Variants in ZNF608 observed in about 807,000 individuals in gnomAD.
ZNF608 encodes the protein renal carcinoma antigen NY-REN-36.
ZNF608 carries 12 observed loss-of-function variants against 109.0 expected under a neutral mutation model. That is an observed-to-expected ratio of 0.11 (90% CI 0.07 to 0.18). The LOEUF (loss-of-function observed/expected upper bound fraction) is 0.18. Among genes scored for constraint, ZNF608 ranks in the 10% least tolerant of loss-of-function variants. ZNF608 has a pLI of 1.00. For missense variants in ZNF608, 1,707 were observed against 1,879.3 expected, an observed-to-expected ratio of 0.91 and a Z score of 1.70; for synonymous variants, 732 against 717.4, an observed-to-expected ratio of 1.02 and a Z score of -0.33.
rs149105273 is a variant in ZNF608, at chr5:124,677,115, C to T, written c.1162+23899G>A. Among the ~76,000 whole-genome samples, 1,378 of 152,174 alleles carry T rather than the reference C, an allele frequency of 9.1e-3. 17 individuals are homozygous for T. Among genetic ancestry groups the T allele is most frequent in the African/African-American group, 0.032 (1,310 of 41,528 alleles). On this transcript the variant is annotated intron_variant, in intron 3 of 9. Transcript: ENST00000513986. ...CATATATATTTAATGTTTAATAAGA[C>T]AAGATTTTAACTGATTTAGGAAGAA... is the stretch of plus-strand genomic sequence containing the variant.
chr5:124,731,996 C>T (rs1034472924), intron 2 of ZNF608, among the ~76,000 whole-genome samples: 9 of 152,098 alleles, frequency 5.9e-5, no homozygotes, highest in Non-Finnish European at 1.3e-4. Flanking sequence ...TAATTTTTTA[C>T]ACTCTCTTTG....
intron 3 of ZNF608, among the ~76,000 whole-genome samples, chr5:124,664,114 A>G (rs1171081384): frequency 6.6e-6 from 1 of 152,248 alleles, no homozygotes; most frequent in Non-Finnish European, 1.5e-5. Flanking sequence ...AAACAAAATA[A>G]TAGCCTGTTC....
intron 3 of ZNF608, among the ~76,000 whole-genome samples, chr5:124,693,749 T>C (rs568694182): frequency 1.5e-4 from 23 of 152,216 alleles, no homozygotes; most frequent in African/African-American, 5.5e-4. Flanking sequence ...CAATCACTCA[T>C]CATATCCAAA....
At chr5:124,693,151 T>G (rs1752686568) in intron 3 of ZNF608, among the ~76,000 whole-genome samples, 1 of 152,250 alleles carries the variant, frequency 6.6e-6, no homozygotes, top group Non-Finnish European at 1.5e-5. Context: ...AGATTTTAAG[T>G]TATGTGAATT....
intron 3 of ZNF608, among the ~76,000 whole-genome samples, chr5:124,665,172 C>T (rs13179054): frequency 0.14 from 19,746 of 143,034 alleles, 1,370 homozygotes; most frequent in East Asian, 0.22. Flanking sequence ...GGAGACTCCA[C>T]CTCCCCCCAA....
At chr5:124,641,908 C>T (rs73296609) in intron 7 of ZNF608, among the ~76,000 whole-genome samples, 2,508 of 152,256 alleles carry the variant, frequency 0.016, 66 homozygotes, top group African/African-American at 0.056. Context: ...CTGTCCTACA[C>T]CCACATTTTG....
At chr5:124,721,973 G>A (rs1297878261) in intron 2 of ZNF608, among the ~76,000 whole-genome samples, 7,140 of 39,904 alleles carry the variant, frequency 0.18, no homozygotes, top group Non-Finnish European at 0.22. Context: ...AAAAAAAAAA[G>A]AACTCAAAGC....
intron 3 of ZNF608, among the ~76,000 whole-genome samples, chr5:124,683,869 A>C (rs559625471): frequency 1.8e-4 from 28 of 152,330 alleles, no homozygotes; most frequent in African/African-American, 6.7e-4. Flanking sequence ...ACGTTAGACC[A>C]GGGGTTCCAA....
At chr5:124,711,354 A>C (rs1469374003) in intron 2 of ZNF608, among the ~76,000 whole-genome samples, 1 of 152,260 alleles carries the variant, frequency 6.6e-6, no homozygotes, top group Non-Finnish European at 1.5e-5. Flanking sequence ...ATGCTGCTTA[A>C]ATTTTGACAT....
At position 124,744,484 on chromosome 5, in the gene ZNF608, C is replaced by G; in HGVS notation, c.506G>C (p.Ser169Thr). The G allele has an allele frequency of 2.5e-6, 4 of 1,614,216 alleles. No individual in the cohort carries two copies. Among genetic ancestry groups the G allele is most frequent in the Non-Finnish European group, 3.4e-6 (4 of 1,180,038 alleles). Reference protein sequence around the residue: ...SGGSGNPNSNSTSTSTSAATA... With the variant: ...SGGSGNPNSNTTSTSTSAATA... ...GGCGGCAGAGGTGCTGGTGCTGGTA[C>G]TATTGCTGTTTGGGTTGCCGCTGCC... Residue 169 changes from serine (S) to threonine (T), a missense_variant, in exon 2 of 10, where the codon AGT becomes ACT. Physicochemically the swap from Ser to Thr is moderately conservative, Grantham distance 58 (BLOSUM62 1). Coordinates refer to ENST00000513986, the MANE Select transcript of ZNF608 (RefSeq NM_020747.3). The surrounding 1 kb of genome is among the most constrained non-coding windows in gnomAD (Gnocchi z 4.5).
chr5:124,719,784 G>A lies in ZNF608; in HGVS notation c.907-18515C>T, dbSNP rs182794122. Among the ~76,000 whole-genome samples the A allele has an allele frequency of 1.9e-3, 292 of 152,272 alleles. 2 individuals carry two copies. Among genetic ancestry groups the A allele is most frequent in the African/African-American group, 6.6e-3 (274 of 41,550 alleles). ...TACTTTCTCTCTTCCTTTTCCTGGA[G>A]AGAGAGTCCATACATGCCCAGTAAA... is the stretch of plus-strand genomic sequence containing the variant. On this transcript the variant is annotated intron_variant, in intron 2 of 9. Coordinates refer to ENST00000513986, the MANE Select transcript of ZNF608 (RefSeq NM_020747.3).
In ZNF608 at chr5:124,665,762, C is replaced by T. The variant is rs1192714229; in HGVS notation, c.1163-16065G>A. On this transcript the variant is annotated intron_variant, in intron 3 of 9. Coordinates refer to ENST00000513986, the MANE Select transcript of ZNF608 (RefSeq NM_020747.3). ...TCACCTGATGTAGAAGCTCTAAACACAGCCCATAACATGCCCAGCCATGGC... is the reference window on the plus strand; with the variant it reads ...TCACCTGATGTAGAAGCTCTAAACATAGCCCATAACATGCCCAGCCATGGC... Among the ~76,000 whole-genome samples, 4 of 152,206 alleles carry T rather than the reference C, an allele frequency of 2.6e-5. No individual in the cohort carries two copies. In the East Asian group the frequency reaches 5.8e-4, roughly 22 times the overall value.
At chr5:124,717,022 C>T (rs1172551715) in intron 2 of ZNF608, among the ~76,000 whole-genome samples, 1 of 152,084 alleles carries the variant, frequency 6.6e-6, no homozygotes, top group Non-Finnish European at 1.5e-5. Flanking sequence ...ACGGAGGTTG[C>T]AGTGAGCCAA....
At chr5:124,710,682 C>G (rs1264272587) in intron 2 of ZNF608, 1 of 152,966 alleles carries the variant, frequency 6.5e-6, no homozygotes, top group East Asian at 1.9e-4. Flanking sequence ...CCATACCTCC[C>G]AAATGTTGAT....
In ZNF608 at chr5:124,647,728, C is replaced by A. The variant is rs764304033; in HGVS notation, c.2656G>T (p.Val886Phe). Residue 886 changes from valine (V) to phenylalanine (F), a missense_variant, in exon 5 of 10, where the codon GTT becomes TTT. Physicochemically the swap from Val to Phe is conservative, Grantham distance 50 (BLOSUM62 -1). This residue lies in a region of ZNF608 where 1,073 missense variants were observed against 1,133.5 expected (regional missense o/e 0.95). Transcript: ENST00000513986. The part of the protein sequence containing the change: ...MASIKAEADK[V>F]YTFTDNAPSP... Reference sequence around the variant, plus strand: ...GGAGCGTTGTCTGTGAAAGTGTAAACCTTATCGGCCTCAGCTTTGATACTG... The same window carrying A: ...GGAGCGTTGTCTGTGAAAGTGTAAAACTTATCGGCCTCAGCTTTGATACTG... The A allele has an allele frequency of 5.0e-6, 8 of 1,614,078 alleles. No homozygotes were observed. The Admixed American group carries it at 1.3e-4, about 27-fold the overall frequency.
chr5:124,742,744 T>C (rs1749466490), intron 2 of ZNF608, among the ~76,000 whole-genome samples: 1 of 152,186 alleles, frequency 6.6e-6, no homozygotes, highest in South Asian at 2.1e-4. Flanking sequence ...TTTACTCCTA[T>C]ACTCCAACTT....
At chr5:124,661,786 C>G (rs1201478585) in intron 3 of ZNF608, among the ~76,000 whole-genome samples, 1 of 152,222 alleles carries the variant, frequency 6.6e-6, no homozygotes, top group Non-Finnish European at 1.5e-5. Flanking sequence ...TGTATACACA[C>G]AGTCACACAC....
intron 2 of ZNF608, among the ~76,000 whole-genome samples, chr5:124,730,873 C>T (rs1016711742): frequency 6.6e-6 from 1 of 152,138 alleles, no homozygotes; most frequent in Admixed American, 6.5e-5. Context: ...ATTTGTATTT[C>T]GGGGGGTTGT....
rs1299666537 is a variant in ZNF608, at chr5:124,662,321, G to A, written c.1163-12624C>T. ...CTTGCGAATCTGAGCACAAATTTCC[G>A]TATAAATTATTGACTGCACTTTGGC... On this transcript the variant is annotated intron_variant, in intron 3 of 9. Coordinates refer to ENST00000513986, the MANE Select transcript of ZNF608 (RefSeq NM_020747.3). Among the ~76,000 whole-genome samples the A allele has an allele frequency of 3.9e-5, 6 of 152,310 alleles. No individual in the cohort carries two copies. The East Asian group carries it at 5.8e-4, about 15-fold the overall frequency.
Sources: allele counts gnomAD v4.1 joint callset (sites outside exome capture counted in the v4.1 genomes callset), GRCh38; gene constraint gnomAD v4.1.1; regional missense constraint gnomAD v4.1.1; non-coding constraint Gnocchi (gnomAD v3.1); transcripts MANE v1.5; gene names NCBI Gene and HGNC (gene_info 2026-07-23, HGNC 2026-07-21).